The following SRPK2 variants were observed in gnomAD, a reference collection of about 807,000 sequenced individuals.
SRPK2 encodes SRSF protein kinase 2.
Under a neutral mutation model 90.8 loss-of-function variants are expected in SRPK2, and 21 were observed. The ratio of observed to expected loss-of-function variants is 0.23; its 90% confidence interval spans 0.16 to 0.33. The LOEUF is 0.33. SRPK2 is among the 10% of genes least tolerant of loss of function. SRPK2 has a pLI of 1.00. For missense variants in SRPK2, 620 were observed against 869.0 expected (o/e 0.71, Z 3.60); for synonymous variants, 288 against 311.1 (o/e 0.93, Z 0.78).
At chr7:105,294,823 A>G (rs1397649119) in intron 2 of SRPK2, among the ~76,000 whole-genome samples, 5 of 151,912 alleles carry the variant, frequency 3.3e-5, no homozygotes, top group African/African-American at 9.7e-5. Flanking sequence ...ACCGCACCCA[A>G]CCCTTAGTCA....
chr7:105,214,485 A>G (rs1797211508), intron 2 of SRPK2, among the ~76,000 whole-genome samples: 1 of 152,194 alleles, frequency 6.6e-6, no homozygotes, highest in Non-Finnish European at 1.5e-5. Flanking sequence ...CTCTGTGGCA[A>G]TGTCTGCAAA....
intron 3 of SRPK2, among the ~76,000 whole-genome samples, chr7:105,169,942 G>C (rs1790590287): frequency 6.6e-6 from 1 of 152,004 alleles, no homozygotes; most frequent in Non-Finnish European, 1.5e-5. Context: ...CAGCCTCCCA[G>C]GTAGCTGGAA....
At chr7:105,342,930 C>G (rs1585796989) in intron 2 of SRPK2, among the ~76,000 whole-genome samples, 1 of 152,066 alleles carries the variant, frequency 6.6e-6, no homozygotes, top group South Asian at 2.1e-4. Flanking sequence ...AGCTAGTACC[C>G]AAATACAAAT....
chr7:105,331,403 A>G (rs749622397), intron 2 of SRPK2, among the ~76,000 whole-genome samples: 61 of 151,686 alleles, frequency 4.0e-4, no homozygotes, highest in Non-Finnish European at 7.8e-4. Flanking sequence ...AAGTTCAGAT[A>G]TATCAAAGAG....
rs35074269 is a variant in SRPK2, at chr7:105,357,037, AT to A, written c.71+31610del. 7.1e-3 allele frequency among the ~76,000 whole-genome samples: 1,011 copies of A among 142,898 alleles called. 5 individuals are homozygous for A. The highest frequency in any genetic ancestry group is 0.019 in the African/African-American group (749 of 39,158). 93.7% of individuals were successfully genotyped at this position (142,898 alleles called of 152,430 possible). On this transcript the variant is annotated intron_variant, in intron 2 of 15. Coordinates refer to ENST00000393651, the MANE Select transcript of SRPK2 (RefSeq NM_182692.3). ...ACTTGATTTTTTTAGGTAAACACTAATTTTTTTTTTTTTTTTGAGACGGAGT... is the reference window on the plus strand; with the variant it reads ...ACTTGATTTTTTTAGGTAAACACTAATTTTTTTTTTTTTTTGAGACGGAGT...
chr7:105,354,323 C>T (rs1285750444), intron 2 of SRPK2, among the ~76,000 whole-genome samples: 1 of 152,166 alleles, frequency 6.6e-6, no homozygotes, highest in African/African-American at 2.4e-5. Context: ...CCTGGGTGTG[C>T]GTGGCTCTTG....
intron 2 of SRPK2, among the ~76,000 whole-genome samples, chr7:105,295,009 G>C (rs369786945): frequency 6.6e-6 from 1 of 151,936 alleles, no homozygotes; most frequent in African/African-American, 2.4e-5. Flanking sequence ...TCAGGAGTTC[G>C]AGACCAGCTT....
upstream of SRPK2, chr7:105,389,378 G>A (rs1563325490): frequency 9.6e-6 from 12 of 1,253,546 alleles, no homozygotes; most frequent in Admixed American, 2.5e-5. Context: ...CATGAGCGCC[G>A]CTTCCTCCTC....
Position 105,143,435 on chromosome 7 carries a change from C to A in SRPK2, c.814-105G>T, listed in dbSNP as rs1804091013. On this transcript the variant is annotated intron_variant, in intron 9 of 15. Coordinates refer to ENST00000393651, the MANE Select transcript of SRPK2 (RefSeq NM_182692.3). ...TAGCAATAAACTCTGCTTTCTCATG[C>A]CATATTCTATTAAAATCCCAAACCC... is the stretch of plus-strand genomic sequence containing the variant. 5.7e-6 allele frequency: 8 copies of A among 1,391,688 alleles called. No individual in the cohort carries two copies. The South Asian group carries it at 9.7e-5, about 17-fold the overall frequency. 86.2% of individuals were successfully genotyped at this position (1,391,688 alleles called of 1,614,324 possible).
At chr7:105,125,786 T>G (rs1801108421) in intron 15 of SRPK2, 3 of 1,271,988 alleles carry the variant, frequency 2.4e-6, no homozygotes, top group Admixed American at 4.8e-5. Context: ...CGTTACCTTT[T>G]CTGGTGAAAA....
At chr7:105,381,920 C>T (rs903554773) in intron 2 of SRPK2, among the ~76,000 whole-genome samples, 1 of 152,150 alleles carries the variant, frequency 6.6e-6, no homozygotes, top group African/African-American at 2.4e-5. Context: ...GTAATCCCAA[C>T]ACTTTGGGAG....
At chr7:105,271,729 T>C (rs1489532233) in intron 2 of SRPK2, among the ~76,000 whole-genome samples, 1 of 152,218 alleles carries the variant, frequency 6.6e-6, no homozygotes, top group Non-Finnish European at 1.5e-5. Flanking sequence ...GAGCCATCCG[T>C]TCCCTTGACC....
At chr7:105,124,381 C>T (rs570940213) in intron 15 of SRPK2, among the ~76,000 whole-genome samples, 2 of 152,168 alleles carry the variant, frequency 1.3e-5, no homozygotes, top group African/African-American at 4.8e-5. Context: ...GTGGCTCACA[C>T]CTGTAATCCC....
At chr7:105,131,561 T>A (rs146759185) in intron 13 of SRPK2, among the ~76,000 whole-genome samples, 8 of 152,292 alleles carry the variant, frequency 5.3e-5, no homozygotes, top group East Asian at 3.9e-4. Flanking sequence ...AGGACCTATC[T>A]GGCCATGTGC....
At chr7:105,373,972 C>A (rs959105121) in intron 2 of SRPK2, among the ~76,000 whole-genome samples, 1 of 151,862 alleles carries the variant, frequency 6.6e-6, no homozygotes, top group Non-Finnish European at 1.5e-5. Flanking sequence ...CTGTCGCCCA[C>A]GCTGGAGTGC....
chr7:105,355,101 T>C (rs769359611), intron 2 of SRPK2, among the ~76,000 whole-genome samples: 1 of 152,234 alleles, frequency 6.6e-6, no homozygotes, highest in Non-Finnish European at 1.5e-5. Context: ...CTGAATAATA[T>C]TCCATTGTAA....
chr7:105,139,261 G>A (rs2129576078), intron 11 of SRPK2, among the ~76,000 whole-genome samples: 1 of 152,248 alleles, frequency 6.6e-6, no homozygotes, highest in African/African-American at 2.4e-5. Context: ...GAGAAAAGCT[G>A]GAGAGAACAC....
chr7:105,280,947 CAAAAAAAAAAAAAAAAAA>C lies in SRPK2; in HGVS notation c.72-77180_72-77163del, dbSNP rs1158350206. Among the ~76,000 whole-genome samples the C allele has an allele frequency of 1.8e-4, 8 of 43,304 alleles. 1 individual carries two copies. Among genetic ancestry groups the C allele is most frequent in the African/African-American group, 7.0e-4 (6 of 8,622 alleles). The allele number at this position is 43,304 out of a possible 152,430, so 28.4% of individuals were successfully genotyped here. On this transcript the variant is annotated intron_variant, in intron 2 of 15. Coordinates refer to ENST00000393651, the MANE Select transcript of SRPK2 (RefSeq NM_182692.3). Reference sequence around the variant, plus strand: ...GGGCGACAGAGCGAAGACTCCATCTCAAAAAAAAAAAAAAAAAAAAAAAAAAAAAAAAAAAAAACCTTG... The same window carrying C: ...GGGCGACAGAGCGAAGACTCCATCTCAAAAAAAAAAAAAAAAAAAACCTTG...
chr7:105,167,077 C>T (rs541537955), intron 6 of SRPK2, among the ~76,000 whole-genome samples: 48 of 151,944 alleles, frequency 3.2e-4, no homozygotes, highest in African/African-American at 1.1e-3. Context: ...CTGATGTATG[C>T]TTTTATCTAC....
Sources: allele counts gnomAD v4.1 joint callset (sites outside exome capture counted in the v4.1 genomes callset), GRCh38; gene constraint gnomAD v4.1.1; transcripts MANE v1.5; gene names NCBI Gene and HGNC (gene_info 2026-07-23, HGNC 2026-07-21).